The following RAD51B variants were observed in gnomAD, a reference collection of about 807,000 sequenced individuals.
The protein encoded by RAD51B is RAD51 paralog B.
Under a neutral mutation model 42.2 loss-of-function variants are expected in RAD51B, and 38 were observed. The observed-to-expected ratio is 0.90, with a 90% CI of 0.70 to 1.18. The LOEUF (loss-of-function observed/expected upper bound fraction) is 1.18. RAD51B is among the 50% of genes most tolerant of loss of function. The pLI, the probability that RAD51B is intolerant of heterozygous loss-of-function variation, is 0.00. For synonymous variants in RAD51B, 154 were observed against 145.2 expected (o/e 1.06, Z -0.43); for missense variants, 373 against 400.7 (o/e 0.93, Z 0.59).
chr14:68,468,479 A>G, intron 10 of RAD51B: 1 of 582,186 alleles, frequency 1.7e-6, no homozygotes, highest in Non-Finnish European at 3.2e-6. Context: ...GAATTTCCTA[A>G]CAGAATGAGA....
At chr14:68,678,025 T>C (rs1202243610) in intron 11 of RAD51B, among the ~76,000 whole-genome samples, 7 of 152,228 alleles carry the variant, frequency 4.6e-5, no homozygotes, top group African/African-American at 1.7e-4. Flanking sequence ...TCGCCATGCT[T>C]TATCTCGTTA....
Position 68,322,963 on chromosome 14 carries a change from T to C in RAD51B, c.853+30983T>C, listed in dbSNP as rs148004039. ...AGTTAGATGTTTGTTAGATGTGTGG[T>C]GTTAATAACCTTGACCAGTAGATTC... On this transcript the variant is annotated intron_variant, in intron 8 of 10. Coordinates refer to ENST00000471583, the MANE Select transcript of RAD51B (RefSeq NM_133510.4). Among the ~76,000 whole-genome samples, 157 of 152,324 alleles carry C rather than the reference T, an allele frequency of 1.0e-3. 2 individuals are homozygous for C. Among genetic ancestry groups the C allele is most frequent in the Admixed American group, 1.6e-3 (24 of 15,306 alleles).
Position 68,468,189 on chromosome 14 carries a change from C to T in RAD51B, c.975C>T (p.Ser325=). The T allele has an allele frequency of 6.2e-7, 1 of 1,613,956 alleles. No individual in the cohort carries two copies. The highest frequency in any genetic ancestry group is 8.5e-7 in the Non-Finnish European group (1 of 1,179,914). The change falls in exon 10 of 11, where the codon TCC becomes TCT. Residue 325 remains serine, a synonymous_variant. Coordinates refer to ENST00000471583, the MANE Select transcript of RAD51B (RefSeq NM_133510.4). ...SERRQILIAK[S]PLAPFTSFVY... is the part of the protein sequence containing the mutation. ...ATGTGCAGATTCTTATTGCCAAGTCCCCTCTGGCTCCCTTCACCTCATTTG... is the reference window on the plus strand; with the variant it reads ...ATGTGCAGATTCTTATTGCCAAGTCTCCTCTGGCTCCCTTCACCTCATTTG...
In RAD51B at chr14:68,376,365, T is replaced by C. The variant is rs118123012; in HGVS notation, c.854-35059T>C. 2.5e-3 allele frequency among the ~76,000 whole-genome samples: 383 copies of C among 152,260 alleles called. 6 individuals are homozygous for C. In the East Asian group the frequency reaches 0.032, roughly 13 times the overall value. ...GCAGTATTTAGTTGAGCACCTACTG[T>C]TTGCTTTGTATTATAAGCTGTAATT... On this transcript the variant is annotated intron_variant, in intron 8 of 10. Coordinates refer to ENST00000471583, the MANE Select transcript of RAD51B (RefSeq NM_133510.4).
intron 8 of RAD51B, among the ~76,000 whole-genome samples, chr14:68,345,264 C>T (rs551800683): frequency 3.0e-4 from 45 of 152,232 alleles, no homozygotes; most frequent in African/African-American, 1.1e-3. Flanking sequence ...GTGAGAAGGA[C>T]ATGAGATTTG....
At chr14:68,178,973 T>C (rs1028223929) in intron 7 of RAD51B, among the ~76,000 whole-genome samples, 4 of 152,210 alleles carry the variant, frequency 2.6e-5, no homozygotes, top group African/African-American at 9.6e-5. Flanking sequence ...ATAAAATTTC[T>C]GCTCTGGTCA....
chr14:67,998,564 T>C (rs1242732675), intron 7 of RAD51B, among the ~76,000 whole-genome samples: 1 of 152,142 alleles, frequency 6.6e-6, no homozygotes, highest in African/African-American at 2.4e-5. Flanking sequence ...ACTAGAGCAA[T>C]GTGAAAGTAA....
In RAD51B at chr14:68,348,669, G is replaced by C. The variant is rs151059104; in HGVS notation, c.853+56689G>C. Among the ~76,000 whole-genome samples, 467 of 152,346 alleles carry C rather than the reference G, an allele frequency of 3.1e-3. 2 individuals carry two copies. Among genetic ancestry groups the C allele is most frequent in the African/African-American group, 0.011 (438 of 41,584 alleles). On this transcript the variant is annotated intron_variant, in intron 8 of 10. Transcript: ENST00000471583. ...AATCCCAGCACTTTGGGAGGCCGAG[G>C]TGGGCGGATCATGAGGTCAGGAGAT...
At position 68,655,228 on chromosome 14, in the gene RAD51B, G is replaced by T. The variant is rs534610423; in HGVS notation, c.*11+4372G>T. Among the ~76,000 whole-genome samples, 4 of 152,244 alleles carry T rather than the reference G, an allele frequency of 2.6e-5. No homozygotes were observed. In the South Asian group the frequency reaches 8.3e-4, roughly 32 times the overall value. ...GGTGATCTCTCTCTCTCTCAATGCA[G>T]GAACAAGGGGCTGCATTGTTAGCTA... On this transcript the variant is annotated intron_variant, in intron 11 of 11. Transcript: ENST00000488612.
chr14:68,208,032 G>A (rs1218691249), intron 7 of RAD51B, among the ~76,000 whole-genome samples: 14 of 151,994 alleles, frequency 9.2e-5, no homozygotes, highest in African/African-American at 2.9e-4. Flanking sequence ...AGTCTAAGAG[G>A]CATTGTAGAC....
Position 68,368,135 on chromosome 14 carries a change from T to C in RAD51B, c.854-43289T>C, listed in dbSNP as rs77743292. On this transcript the variant is annotated intron_variant, in intron 8 of 10. Transcript: ENST00000471583. ...GCTAGGTAGAGGTGCTTCTAAGAAC[T>C]AAAGCACCAGAAACCTAATTGGGAA... Among the ~76,000 whole-genome samples the C allele has an allele frequency of 5.9e-3, 901 of 152,332 alleles. 7 individuals are homozygous for C. Among genetic ancestry groups the C allele is most frequent in the African/African-American group, 0.02 (840 of 41,570 alleles).
At chr14:68,314,188 C>T (rs949669709) in intron 8 of RAD51B, among the ~76,000 whole-genome samples, 1 of 152,152 alleles carries the variant, frequency 6.6e-6, no homozygotes, top group Non-Finnish European at 1.5e-5. Flanking sequence ...TCGCTATCAT[C>T]GCCCTGCCTC....
intron 7 of RAD51B, among the ~76,000 whole-genome samples, chr14:67,964,785 C>G (rs1441645536): frequency 6.6e-6 from 1 of 152,166 alleles, no homozygotes; most frequent in South Asian, 2.1e-4. Flanking sequence ...AGTTGTGAGA[C>G]ATACGACGGT....
intron 10 of RAD51B, among the ~76,000 whole-genome samples, chr14:68,535,629 C>G (rs1887571630): frequency 6.6e-6 from 1 of 152,168 alleles, no homozygotes. Context: ...TGGGAGCGCC[C>G]TCCGAAGTGC....
intron 7 of RAD51B, among the ~76,000 whole-genome samples, chr14:67,911,648 A>G (rs914118603): frequency 1.3e-5 from 2 of 152,092 alleles, no homozygotes; most frequent in South Asian, 4.2e-4. Flanking sequence ...ATTTTTTTAA[A>G]TGGTTATTTT....
intron 7 of RAD51B, among the ~76,000 whole-genome samples, chr14:68,247,243 A>G (rs926237826): frequency 7.2e-5 from 11 of 151,788 alleles, no homozygotes; most frequent in African/African-American, 2.4e-4. Context: ...TACATTTTAA[A>G]TAAAACTTCA....
intron 10 of RAD51B, among the ~76,000 whole-genome samples, chr14:68,620,954 C>G (rs956308238): frequency 2.6e-5 from 4 of 152,106 alleles, no homozygotes; most frequent in African/African-American, 9.7e-5. Flanking sequence ...CTCTATTTTT[C>G]CACTTAGATT....
chr14:68,137,925 G>A (rs772591593), intron 7 of RAD51B, among the ~76,000 whole-genome samples: 1 of 152,168 alleles, frequency 6.6e-6, no homozygotes, highest in Non-Finnish European at 1.5e-5. Context: ...ACATGGGCAT[G>A]ACATCACCAA....
At chr14:68,313,470 C>T (rs1192688706) in intron 8 of RAD51B, among the ~76,000 whole-genome samples, 2 of 152,162 alleles carry the variant, frequency 1.3e-5, no homozygotes, top group East Asian at 1.9e-4. Flanking sequence ...GCTGGGAAGC[C>T]GCCCAACTCC....
Sources: gnomAD v4.1 joint callset for allele counts (sites outside exome capture counted in the v4.1 genomes callset) on GRCh38, gnomAD v4.1.1 for gene constraint, MANE v1.5 for transcripts, NCBI Gene and HGNC (gene_info 2026-07-23, HGNC 2026-07-21) for gene names.